USH2A: variants seen among roughly 807,000 people sequenced by gnomAD.
USH2A encodes the protein Usher syndrome 2A (autosomal recessive, mild).
Under a neutral mutation model 538.9 loss-of-function variants are expected in USH2A, and 443 were observed. The observed-to-expected ratio is 0.82, with a 90% CI of 0.76 to 0.89. The LOEUF (loss-of-function observed/expected upper bound fraction) is 0.89. Among genes scored for constraint, USH2A ranks in the 40% least tolerant of loss-of-function variants. The probability of loss-of-function intolerance (pLI) is 0.00; values close to 1 mark genes in which losing one functional copy is unlikely to be tolerated. For missense variants in USH2A, 6,633 were observed against 6,324.8 expected (o/e 1.05, Z -1.65); for synonymous variants, 2,413 against 2,273.5 (o/e 1.06, Z -1.75).
chr1:215,869,911 C>T (rs1359927645), intron 43 of USH2A, among the ~76,000 whole-genome samples: 1 of 152,148 alleles, frequency 6.6e-6, no homozygotes, highest in Non-Finnish European at 1.5e-5. Flanking sequence ...ACACAATTTA[C>T]GTCTACAAAA....
intron 38 of USH2A, among the ~76,000 whole-genome samples, chr1:215,926,756 T>C (rs898444829): frequency 6.6e-6 from 1 of 151,634 alleles, no homozygotes; most frequent in Non-Finnish European, 1.5e-5. Context: ...TAGCTGGAAT[T>C]ACAACATGCC....
At chr1:216,257,976 C>A (rs12086210) in intron 11 of USH2A, among the ~76,000 whole-genome samples, 3,772 of 152,080 alleles carry the variant, frequency 0.025, 145 homozygotes, top group African/African-American at 0.084. Context: ...TCTGTTTCAA[C>A]ATACTGGCCT....
rs1558304975 is a variant in USH2A, at chr1:216,186,556, T to C, written c.4396+3667A>G. Among the ~76,000 whole-genome samples the C allele has an allele frequency of 2.0e-5, 3 of 151,952 alleles. No homozygotes were observed. The East Asian group carries it at 5.8e-4, about 29-fold the overall frequency. On this transcript the variant is annotated intron_variant, in intron 20 of 71. Coordinates refer to ENST00000307340, the MANE Select transcript of USH2A (RefSeq NM_206933.4). ...TAGAATATTCACTAAGGTGTTTTCTTTGGGCTTCCATTTTGCATTTTCTCT... is the reference window on the plus strand; with the variant it reads ...TAGAATATTCACTAAGGTGTTTTCTCTGGGCTTCCATTTTGCATTTTCTCT...
At chr1:216,245,647 G>A (rs749951736) in intron 13 of USH2A, among the ~76,000 whole-genome samples, 2 of 152,016 alleles carry the variant, frequency 1.3e-5, no homozygotes, top group African/African-American at 2.4e-5. Context: ...AGTTCAAGTT[G>A]TTTTTTAATA....
intron 32 of USH2A, among the ~76,000 whole-genome samples, chr1:216,018,625 G>A (rs767709070): frequency 6.6e-6 from 1 of 152,088 alleles, no homozygotes; most frequent in Non-Finnish European, 1.5e-5. Context: ...ACATTTACAG[G>A]GGGGATTGAG....
chr1:215,901,374 T>C (rs2102470658), intron 38 of USH2A: 1 of 193,042 alleles, frequency 5.2e-6, no homozygotes, highest in African/African-American at 2.4e-5. Context: ...CCTTTCTTTT[T>C]TTTTTTGGAG....
chr1:216,255,131 T>G (rs1381451240), intron 11 of USH2A, among the ~76,000 whole-genome samples: 4 of 152,188 alleles, frequency 2.6e-5, no homozygotes, highest in Non-Finnish European at 5.9e-5. Flanking sequence ...TCTTTATGGC[T>G]TAAAATGCAA....
In USH2A at chr1:215,799,094, A is replaced by G. The variant is rs755843100; in HGVS notation, c.9771T>C (p.Asn3257=). ...GEVCCPDEQH[N]RVSVGIGDSC... ...AATCACCAATGCCAACAGAAACCCG[A>G]TTGTGCTGTTCATCTGGACAGCATA... Residue 3257 remains asparagine (N), a synonymous_variant, in exon 50 of 72, where the codon AAT becomes AAC. Transcript: ENST00000307340. 3.1e-6 allele frequency: 5 copies of G among 1,614,018 alleles called. No homozygotes were observed. In the East Asian group the frequency reaches 8.9e-5, roughly 29 times the overall value.
At position 216,275,088 on chromosome 1, in the gene USH2A, T is replaced by C. The variant is rs188124855; in HGVS notation, c.1971+14192A>G. On this transcript the variant is annotated intron_variant, in intron 11 of 71. Transcript: ENST00000307340. ...GTTTTAAGAGGAAGCAATGTAATTA[T>C]AGTCCTTCTAGTTCTCAAAGGGGTA... is the stretch of plus-strand genomic sequence containing the variant. 1.9e-3 allele frequency among the ~76,000 whole-genome samples: 284 copies of C among 152,258 alleles called. 3 individuals are homozygous for C. The highest frequency in any genetic ancestry group is 6.6e-3 in the African/African-American group (276 of 41,572).
At chr1:216,283,331 C>G (rs2036818022) in intron 11 of USH2A, among the ~76,000 whole-genome samples, 1 of 152,202 alleles carries the variant, frequency 6.6e-6, no homozygotes, top group South Asian at 2.1e-4. Context: ...ACCTCGTGAT[C>G]CACCCGCCTC....
At chr1:216,254,049 TAA>T (rs888469380) in intron 11 of USH2A, among the ~76,000 whole-genome samples, 17 of 152,166 alleles carry the variant, frequency 1.1e-4, no homozygotes, top group African/African-American at 4.1e-4. Flanking sequence ...TGCCAAAACC[TAA>T]GTCTTATCGA....
At chr1:215,671,865 G>C (rs1482963081) in intron 63 of USH2A, among the ~76,000 whole-genome samples, 1 of 152,048 alleles carries the variant, frequency 6.6e-6, no homozygotes, top group Non-Finnish European at 1.5e-5. Flanking sequence ...AATGTTTCCA[G>C]GTCATGAAGG....
intron 9 of USH2A, among the ~76,000 whole-genome samples, chr1:216,316,409 A>G (rs939230448): frequency 5.3e-5 from 8 of 152,168 alleles, no homozygotes; most frequent in African/African-American, 1.9e-4. Context: ...GTCTCAATCT[A>G]TCCATCAGTT....
chr1:216,174,353 A>G, intron 21 of USH2A: 2 of 983,692 alleles, frequency 2.0e-6, no homozygotes, highest in East Asian at 1.1e-4. Context: ...ATGGTGTACC[A>G]TAAGTAGAGT....
chr1:215,906,658 T>A (rs1417577392), intron 38 of USH2A, among the ~76,000 whole-genome samples: 2 of 152,032 alleles, frequency 1.3e-5, no homozygotes, highest in Non-Finnish European at 2.9e-5. Context: ...TACCTCCCGG[T>A]CTTATTTCTT....
intron 44 of USH2A, among the ~76,000 whole-genome samples, chr1:215,865,291 A>G (rs972246936): frequency 2.0e-5 from 3 of 152,206 alleles, no homozygotes; most frequent in African/African-American, 7.2e-5. Context: ...GTATGAATGG[A>G]AATAACAGCA....
chr1:215,996,560 GTTTTT>G (rs753233925), intron 34 of USH2A, among the ~76,000 whole-genome samples: 709 of 51,430 alleles, frequency 0.014, 4 homozygotes, highest in African/African-American at 0.05. Context: ...AACATATTAT[GTTTTT>G]TTTTTTTTTT....
chr1:215,695,908 C>T (rs556989311), intron 61 of USH2A, among the ~76,000 whole-genome samples: 6 of 151,988 alleles, frequency 3.9e-5, no homozygotes, highest in East Asian at 1.9e-4. Flanking sequence ...TGCCACCACA[C>T]CCAAATTTTT....
chr1:216,030,731 G>A (rs1248134070), intron 32 of USH2A, among the ~76,000 whole-genome samples: 1 of 150,424 alleles, frequency 6.6e-6, no homozygotes, highest in Non-Finnish European at 1.5e-5. Context: ...AAGTATTGGG[G>A]TGAGTGAAAA....
Sources: allele counts gnomAD v4.1 joint callset (sites outside exome capture counted in the v4.1 genomes callset), GRCh38; gene constraint gnomAD v4.1.1; transcripts MANE v1.5; gene names NCBI Gene and HGNC (gene_info 2026-07-23, HGNC 2026-07-21).